The following NCAM2 variants were observed in gnomAD, a reference collection of about 807,000 sequenced individuals.
NCAM2 encodes neural cell adhesion molecule 2, also known as N-CAM-2.
In NCAM2, 30 loss-of-function variants were observed where a neutral mutation model predicts 98.1. The observed-to-expected ratio is 0.31, with a 90% confidence interval of 0.23 to 0.41. NCAM2 has a LOEUF of 0.41. Ranked by LOEUF, NCAM2 falls within the 10% of genes least tolerant of loss-of-function variation. NCAM2 has a pLI of 1.00. For synonymous variants in NCAM2, 368 were observed against 342.4 expected, an observed-to-expected ratio of 1.07 and a Z score of -0.83; for missense variants, 867 against 1,005.8, an observed-to-expected ratio of 0.86 and a Z score of 1.87.
chr21:21,324,007 T>C (rs2074444318), intron 5 of NCAM2, among the ~76,000 whole-genome samples: 1 of 152,194 alleles, frequency 6.6e-6, no homozygotes, highest in Non-Finnish European at 1.5e-5. Flanking sequence ...TTCTGAGACA[T>C]AATTCCTAAA....
chr21:21,294,082 G>A (rs750342018), intron 5 of NCAM2, among the ~76,000 whole-genome samples: 6 of 151,202 alleles, frequency 4.0e-5, no homozygotes, highest in Non-Finnish European at 8.9e-5. Context: ...TATGTGGTTG[G>A]TGCAAAAGTA....
At chr21:21,197,526 A>C (rs1247843016) in intron 1 of NCAM2, among the ~76,000 whole-genome samples, 1 of 152,164 alleles carries the variant, frequency 6.6e-6, no homozygotes, top group Non-Finnish European at 1.5e-5. Flanking sequence ...TTTTATAACC[A>C]AAGAGAAGCC....
intron 12 of NCAM2, 35 bp from the exon 13 acceptor site, chr21:21,466,571 A>G: frequency 7.0e-7 from 1 of 1,438,688 alleles, no homozygotes; most frequent in Non-Finnish European, 9.4e-7. Flanking sequence ...ATGTATATAT[A>G]TGTTTTATTT....
chr21:21,477,511 T>C, intron 15 of NCAM2, 40 bp downstream of exon 15: 1 of 1,424,402 alleles, frequency 7.0e-7, no homozygotes, highest in African/African-American at 1.4e-5. Flanking sequence ...GAACAATAAA[T>C]ATGATACCAC....
At chr21:21,204,381 AC>A in intron 1 of NCAM2, among the ~76,000 whole-genome samples, 1 of 152,274 alleles carries the variant, frequency 6.6e-6, no homozygotes, top group South Asian at 2.1e-4. Flanking sequence ...GCTTTCTTAT[AC>A]AGGGTACTTG....
intron 1 of NCAM2, among the ~76,000 whole-genome samples, chr21:21,112,401 A>G (rs1402058722): frequency 6.6e-6 from 1 of 152,152 alleles, no homozygotes; most frequent in Non-Finnish European, 1.5e-5. Flanking sequence ...GACCTGGCCT[A>G]TCCTTCTCAT....
intron 1 of NCAM2, among the ~76,000 whole-genome samples, chr21:21,266,751 T>G (rs546151199): frequency 2.0e-5 from 3 of 152,120 alleles, no homozygotes; most frequent in African/African-American, 7.2e-5. Flanking sequence ...GGGATAGCAT[T>G]AGGAGATATA....
chr21:21,465,095 A>AT (rs956607544), intron 12 of NCAM2, among the ~76,000 whole-genome samples: 13 of 152,090 alleles, frequency 8.5e-5, no homozygotes, highest in Non-Finnish European at 1.6e-4. Flanking sequence ...TGGAAATTTA[A>AT]TTTTTTTTGT....
rs5842926 is a variant in NCAM2, at chr21:21,455,210, C to CAAAAA, written c.1655-11378_1655-11374dup. 2.7e-3 allele frequency among the ~76,000 whole-genome samples: 262 copies of CAAAAA among 95,434 alleles called. 4 individuals carry two copies. Among genetic ancestry groups the CAAAAA allele is most frequent in the African/African-American group, 9.6e-3 (246 of 25,620 alleles). 62.6% of individuals were successfully genotyped at this position (95,434 alleles called of 152,430 possible). A position where few individuals can be genotyped will look rare whatever the true frequency, so the allele number is the denominator to read the frequency against. On this transcript the variant is annotated intron_variant, in intron 12 of 17. Coordinates refer to ENST00000400546, the MANE Select transcript of NCAM2 (RefSeq NM_004540.5). Reference sequence around the variant, plus strand: ...GTCCTTTTAAAAGGAAACCTATTGGCAAAAAAAAAAAAAAAAAAAAAAGTT... The same window carrying CAAAAA: ...GTCCTTTTAAAAGGAAACCTATTGGCAAAAAAAAAAAAAAAAAAAAAAAAAAAGTT...
At chr21:21,502,586 A>C (rs1033364127) in intron 15 of NCAM2, among the ~76,000 whole-genome samples, 5 of 151,960 alleles carry the variant, frequency 3.3e-5, no homozygotes, top group Non-Finnish European at 7.4e-5. Flanking sequence ...AATTTTCCAA[A>C]TATCATTTGA....
At chr21:21,487,612 T>C (rs1986498897) in intron 15 of NCAM2, among the ~76,000 whole-genome samples, 1 of 152,172 alleles carries the variant, frequency 6.6e-6, no homozygotes, top group Admixed American at 6.5e-5. Flanking sequence ...TTATGCATGA[T>C]TGCCATTATC....
At position 21,041,087 on chromosome 21, in the gene NCAM2, A is replaced by G. The variant is rs2064895331; in HGVS notation, c.55+42469A>G. On this transcript the variant is annotated intron_variant, in intron 1 of 17. Transcript: ENST00000400546. The stretch of plus-strand genomic sequence containing the variant: ...CATTTAAAAATAATTATAAGAAAGA[A>G]AAGACTGAAAAACAACAACAAAACA... Among the ~76,000 whole-genome samples, 5 of 152,192 alleles carry G rather than the reference A, an allele frequency of 3.3e-5. No homozygotes were observed. In the South Asian group the frequency reaches 1.0e-3, roughly 32 times the overall value.
At chr21:21,467,424 C>T (rs539829525) in intron 13 of NCAM2, among the ~76,000 whole-genome samples, 1 of 130,492 alleles carries the variant, frequency 7.7e-6, no homozygotes, top group Non-Finnish European at 1.5e-5. Context: ...ATATATATAT[C>T]TTTTTATATA....
At chr21:21,072,913 G>A (rs6518066) in intron 1 of NCAM2, among the ~76,000 whole-genome samples, 5,640 of 151,998 alleles carry the variant, frequency 0.037, 328 homozygotes, top group African/African-American at 0.13. Flanking sequence ...CCATCCCACC[G>A]TCCATCTCCA....
chr21:21,190,318 C>T (rs1195055253), intron 1 of NCAM2, among the ~76,000 whole-genome samples: 1 of 152,148 alleles, frequency 6.6e-6, no homozygotes, highest in African/African-American at 2.4e-5. Flanking sequence ...TCTCCCAGTT[C>T]CAAGAATCGA....
rs1268891425 is a variant in NCAM2 at position 21,110,188 on chromosome 21, ACC to A, written c.55+111572_55+111573del. ...CTCATGACAGAAAAAAATACGTTCT[ACC>A]CAAGTATGTCCTTAACCAGAGTGTC... is the stretch of plus-strand genomic sequence containing the variant. On this transcript the variant is annotated intron_variant, in intron 1 of 17. Transcript: ENST00000400546. Among the ~76,000 whole-genome samples the A allele has an allele frequency of 7.9e-5, 12 of 152,310 alleles. No homozygotes were observed. The East Asian group carries it at 2.3e-3, about 29-fold the overall frequency.
At position 21,539,365 on chromosome 21, in the gene NCAM2, A is replaced by G. The variant is rs565263977; in HGVS notation, c.*1408A>G. 7 of 152,294 alleles carry G rather than the reference A, an allele frequency of 4.6e-5. No homozygotes were observed. In the South Asian group the frequency reaches 1.5e-3, roughly 32 times the overall value. The allele number at this position is 152,294 out of a possible 1,614,324, so 9.4% of individuals were successfully genotyped here. On this transcript the variant is annotated 3_prime_UTR_variant, in exon 18 of 18. Coordinates refer to ENST00000400546, the MANE Select transcript of NCAM2 (RefSeq NM_004540.5). ...TTTCCTTAGGCCCTGTAACATTCAGAACCTTTGGTGTTTCAGGTGGTATTA... is the reference window on the plus strand; with the variant it reads ...TTTCCTTAGGCCCTGTAACATTCAGGACCTTTGGTGTTTCAGGTGGTATTA...
At chr21:21,365,638 C>T (rs1449461579) in intron 8 of NCAM2, among the ~76,000 whole-genome samples, 1 of 151,702 alleles carries the variant, frequency 6.6e-6, no homozygotes, top group Non-Finnish European at 1.5e-5. Flanking sequence ...AGAACACTAC[C>T]CGATCAATTG....
At position 21,410,407 on chromosome 21, in the gene NCAM2, T is replaced by A; in HGVS notation, c.1329T>A (p.Ala443=). ...HWRRDKLVLP[A]KNTTNLKTYS... ...GAAGAGATAAATTAGTCTTACCTGC[T>A]AAAAACACGACCAATTTAAAGACTT... Residue 443 remains alanine (A), a synonymous_variant, in exon 10 of 18, where the codon GCT becomes GCA. Coordinates refer to ENST00000400546, the MANE Select transcript of NCAM2 (RefSeq NM_004540.5). 6.3e-7 allele frequency: 1 copy of A among 1,597,894 alleles called. No individual in the cohort carries two copies. Among genetic ancestry groups the A allele is most frequent in the South Asian group, 1.1e-5 (1 of 88,270 alleles).
Sources: gnomAD v4.1 joint callset for allele counts (sites outside exome capture counted in the v4.1 genomes callset) on GRCh38, gnomAD v4.1.1 for gene constraint, MANE v1.5 for transcripts, NCBI Gene and HGNC (gene_info 2026-07-23, HGNC 2026-07-21) for gene names.